The following DGKB variants were observed in gnomAD, a reference collection of about 807,000 sequenced individuals.
DGKB encodes 90 kDa diacylglycerol kinase.
In DGKB, 67 loss-of-function variants were observed where a neutral mutation model predicts 114.3. The ratio of observed to expected loss-of-function variants is 0.59; its 90% CI spans 0.48 to 0.72. The LOEUF is 0.72. Ranked by LOEUF, DGKB falls within the 30% of genes least tolerant of loss-of-function variation. DGKB has a pLI of 0.00. For missense variants in DGKB, 907 were observed against 975.2 expected (o/e 0.93, Z 0.93); for synonymous variants, 398 against 323.1 (o/e 1.23, Z -2.49).
chr7:14,782,161 A>AC (rs1237241313), intron 2 of DGKB, among the ~76,000 whole-genome samples: 1 of 152,006 alleles, frequency 6.6e-6, no homozygotes, highest in African/African-American at 2.4e-5. Flanking sequence ...ACTAACTGGG[A>AC]CTATAGGCCT....
chr7:14,258,888 G>T (rs1197868072), intron 23 of DGKB, among the ~76,000 whole-genome samples: 2 of 152,122 alleles, frequency 1.3e-5, no homozygotes, highest in Non-Finnish European at 2.9e-5. Context: ...AGGAAAATCT[G>T]CAGCTTTTGA....
At chr7:14,250,881 A>C (rs1795136489) in intron 23 of DGKB, among the ~76,000 whole-genome samples, 1 of 152,202 alleles carries the variant, frequency 6.6e-6, no homozygotes, top group Admixed American at 6.5e-5. Context: ...TCATAATGTA[A>C]TAACCTTCTT....
At chr7:14,853,760 C>T (rs768872718) in intron 1 of DGKB, among the ~76,000 whole-genome samples, 34 of 147,654 alleles carry the variant, frequency 2.3e-4, no homozygotes, top group Non-Finnish European at 4.0e-4. Context: ...CCCAGCTACT[C>T]GGGAGGCTGA....
chr7:14,807,764 T>A (rs1842950699), intron 2 of DGKB, among the ~76,000 whole-genome samples: 1 of 152,032 alleles, frequency 6.6e-6, no homozygotes, highest in Non-Finnish European at 1.5e-5. Flanking sequence ...ATTATTGCTC[T>A]TTAAAGCATC....
At chr7:14,366,689 T>G (rs1377589811) in intron 21 of DGKB, among the ~76,000 whole-genome samples, 1 of 152,116 alleles carries the variant, frequency 6.6e-6, no homozygotes, top group African/African-American at 2.4e-5. Context: ...ACACATAAGA[T>G]GAACTGAGAA....
chr7:14,313,137 T>C (rs947533400), intron 23 of DGKB, among the ~76,000 whole-genome samples: 1 of 152,230 alleles, frequency 6.6e-6, no homozygotes, highest in Non-Finnish European at 1.5e-5. Flanking sequence ...AATTTTGATA[T>C]AATGCCAAAG....
At chr7:14,418,116 T>C (rs941741770) in intron 21 of DGKB, among the ~76,000 whole-genome samples, 5 of 133,060 alleles carry the variant, frequency 3.8e-5, no homozygotes, top group African/African-American at 1.3e-4. Flanking sequence ...CTTCTAGAGT[T>C]AGAGTTTTTA....
chr7:14,408,905 T>C (rs774673547), intron 21 of DGKB, among the ~76,000 whole-genome samples: 2 of 152,110 alleles, frequency 1.3e-5, no homozygotes, highest in Non-Finnish European at 2.9e-5. Context: ...AAGTTAGATA[T>C]GTCATGAGCG....
chr7:14,716,295 G>T (rs1828175667), intron 6 of DGKB, among the ~76,000 whole-genome samples: 1 of 152,116 alleles, frequency 6.6e-6, no homozygotes, highest in Admixed American at 6.6e-5. Flanking sequence ...CCCACCCCAG[G>T]CCAGCTGAAT....
chr7:14,430,873 C>T (rs901827214), intron 21 of DGKB, among the ~76,000 whole-genome samples: 2 of 152,060 alleles, frequency 1.3e-5, no homozygotes, highest in African/African-American at 4.8e-5. Context: ...TAAGAATCTA[C>T]CTTTATTATC....
intron 17 of DGKB, among the ~76,000 whole-genome samples, chr7:14,603,265 T>A (rs1383561256): frequency 6.6e-6 from 1 of 152,166 alleles, no homozygotes; most frequent in African/African-American, 2.4e-5. Context: ...TTTTATTTTA[T>A]GATTAATCAT....
chr7:14,715,900 T>A (rs756918626), intron 6 of DGKB, among the ~76,000 whole-genome samples: 6 of 152,136 alleles, frequency 3.9e-5, no homozygotes, highest in Non-Finnish European at 8.8e-5. Context: ...AGTAAAACAT[T>A]TGGGAACTTT....
At chr7:14,930,718 T>C (rs1427696525) in intron 1 of DGKB, among the ~76,000 whole-genome samples, 4 of 152,204 alleles carry the variant, frequency 2.6e-5, no homozygotes, top group Admixed American at 2.6e-4. Context: ...GCCTAATTGT[T>C]CTGCCTAGGA....
intron 2 of DGKB, among the ~76,000 whole-genome samples, chr7:14,802,999 C>T (rs532800243): frequency 2.0e-5 from 3 of 151,420 alleles, no homozygotes; most frequent in South Asian, 2.1e-4. Context: ...AAACAAAGCA[C>T]GTAAGGAAAA....
rs1158557920 is a variant in DGKB at position 14,209,361 on chromosome 7, G to A, written c.2123-31210C>T. ...TATATACGACAAGATTGGGTATTTGGAAAGATACAGACACTGCTTGCAACT... is the reference window on the plus strand; with the variant it reads ...TATATACGACAAGATTGGGTATTTGAAAAGATACAGACACTGCTTGCAACT... On this transcript the variant is annotated intron_variant, in intron 23 of 25. Coordinates refer to ENST00000402815, the MANE Select transcript of DGKB (RefSeq NM_001350709.2). The A allele has an allele frequency of 3.7e-5, 16 of 430,636 alleles. 1 individual carries two copies. In the Admixed American group the frequency reaches 4.4e-4, roughly 12 times the overall value. The allele number at this position is 430,636 out of a possible 1,614,324, so 26.7% of individuals were successfully genotyped here. A position where few individuals can be genotyped will look rare whatever the true frequency, so the allele number is the denominator to read the frequency against.
chr7:14,449,516 G>A (rs1831177716), intron 21 of DGKB, among the ~76,000 whole-genome samples: 2 of 151,958 alleles, frequency 1.3e-5, no homozygotes, highest in South Asian at 4.1e-4. Flanking sequence ...TATACGCCAT[G>A]CAGGCCACCT....
intron 1 of DGKB, among the ~76,000 whole-genome samples, chr7:14,970,510 G>A (rs1452392936): frequency 6.6e-6 from 1 of 151,670 alleles, no homozygotes; most frequent in Non-Finnish European, 1.5e-5. Flanking sequence ...AATGTTAGTC[G>A]ATTGAATACA....
At chr7:14,373,036 T>C (rs1447942837) in intron 21 of DGKB, among the ~76,000 whole-genome samples, 1 of 152,198 alleles carries the variant, frequency 6.6e-6, no homozygotes, top group Non-Finnish European at 1.5e-5. Flanking sequence ...ATGATGTGGG[T>C]AATTTCAAGT....
intron 20 of DGKB, among the ~76,000 whole-genome samples, chr7:14,532,797 C>G (rs545859135): frequency 2.0e-5 from 3 of 151,612 alleles, no homozygotes; most frequent in South Asian, 2.1e-4. Context: ...TGACATAGAA[C>G]ACCCCACCTA....
Sources: allele counts gnomAD v4.1 joint callset (sites outside exome capture counted in the v4.1 genomes callset), GRCh38; gene constraint gnomAD v4.1.1; transcripts MANE v1.5; gene names NCBI Gene and HGNC (gene_info 2026-07-23, HGNC 2026-07-21).